The following AKAP12 variants were observed in gnomAD, a reference collection of about 807,000 sequenced individuals.
AKAP12 encodes the protein A-kinase anchoring protein 12, also known as A-kinase anchor protein 12.
AKAP12 carries 32 observed loss-of-function variants against 79.9 expected under a neutral mutation model. The ratio of observed to expected loss-of-function variants is 0.40; its 90% CI spans 0.30 to 0.54. The LOEUF is 0.54. AKAP12 is among the 20% of genes least tolerant of loss of function. The probability of loss-of-function intolerance (pLI) is 0.48; values close to 1 mark genes in which losing one functional copy is unlikely to be tolerated. For missense variants in AKAP12, 2,074 were observed against 2,177.0 expected, an observed-to-expected ratio of 0.95 and a Z score of 0.94; for synonymous variants, 808 against 857.0, an observed-to-expected ratio of 0.94 and a Z score of 1.00.
At chr6:151,345,963 G>T (rs1778092400) in intron 3 of AKAP12, among the ~76,000 whole-genome samples, 1 of 136,190 alleles carries the variant, frequency 7.3e-6, no homozygotes, top group Admixed American at 7.6e-5. Context: ...GAGAGAGAGA[G>T]AAAGGAGAGA....
At chr6:151,317,816 T>C (rs1279289773) in intron 3 of AKAP12, among the ~76,000 whole-genome samples, 2 of 152,194 alleles carry the variant, frequency 1.3e-5, no homozygotes, top group African/African-American at 4.8e-5. Context: ...GGTACTTCAC[T>C]CAACAAGATG....
chr6:151,252,827 G>A (rs1797211939), intron 2 of AKAP12, among the ~76,000 whole-genome samples: 1 of 151,944 alleles, frequency 6.6e-6, no homozygotes, highest in Non-Finnish European at 1.5e-5. Flanking sequence ...ATGCCACAGT[G>A]ACTGTTCTAT....
At chr6:151,308,664 T>C (rs1777026685) in intron 3 of AKAP12, among the ~76,000 whole-genome samples, 1 of 152,208 alleles carries the variant, frequency 6.6e-6, no homozygotes, top group Non-Finnish European at 1.5e-5. Context: ...GAGCTTTTGC[T>C]GTTTTAGGTC....
intron 2 of AKAP12, among the ~76,000 whole-genome samples, chr6:151,297,025 T>G (rs575105674): frequency 3.3e-5 from 5 of 151,696 alleles, no homozygotes; most frequent in African/African-American, 9.7e-5. Context: ...AAGGGTTTTT[T>G]TTTTTTTTTT....
rs768836695 is a variant in AKAP12 at position 151,352,269 on chromosome 6, C to A, written c.3878C>A (p.Thr1293Lys). 3 of 1,614,046 alleles carry A rather than the reference C, an allele frequency of 1.9e-6. No homozygotes were observed. Among genetic ancestry groups the A allele is most frequent in the Admixed American group, 1.7e-5 (1 of 59,998 alleles). ...GLEGSIDTGITVSREKVTEVA... is the reference protein window; with the variant it reads ...GLEGSIDTGIKVSREKVTEVA... ...GAGGGGTCTATAGACACAGGCATAA[C>A]AGTCAGTCGGGAAAAGGTCACTGAA... Residue 1293 changes from threonine to lysine, a missense_variant, in exon 4 of 5, where the codon ACA (threonine) becomes AAA (lysine). Thr to Lys is a moderately conservative substitution (Grantham distance 78). Coordinates refer to ENST00000402676, the MANE Select transcript of AKAP12 (RefSeq NM_005100.4).
chr6:151,310,351 C>T (rs887015667), intron 3 of AKAP12, among the ~76,000 whole-genome samples: 14 of 151,604 alleles, frequency 9.2e-5, no homozygotes, highest in African/African-American at 3.1e-4. Context: ...GCAACAAGAG[C>T]GAAACTCCAT....
At chr6:151,260,064 A>G (rs987327318) in intron 2 of AKAP12, among the ~76,000 whole-genome samples, 1 of 152,164 alleles carries the variant, frequency 6.6e-6, no homozygotes, top group African/African-American at 2.4e-5. Flanking sequence ...TAGAGAATCA[A>G]CTAATAAAGA....
At chr6:151,283,565 G>T (rs1015326123) in intron 2 of AKAP12, among the ~76,000 whole-genome samples, 1 of 152,152 alleles carries the variant, frequency 6.6e-6, no homozygotes, top group South Asian at 2.1e-4. Flanking sequence ...TGTCCTACGC[G>T]CTTGGTACAC....
chr6:151,303,328 G>A (rs1776901064), intron 2 of AKAP12, among the ~76,000 whole-genome samples: 1 of 152,070 alleles, frequency 6.6e-6, no homozygotes, highest in South Asian at 2.1e-4. Flanking sequence ...TTCATATTTT[G>A]GTAAGAGAAG....
intron 2 of AKAP12, among the ~76,000 whole-genome samples, chr6:151,264,990 A>G (rs1797522615): frequency 6.6e-6 from 1 of 151,988 alleles, no homozygotes; most frequent in South Asian, 2.1e-4. Context: ...TTCTTGACAA[A>G]AAGACAAAAA....
chr6:151,311,706 C>T (rs1034926705), intron 3 of AKAP12, among the ~76,000 whole-genome samples: 3 of 152,146 alleles, frequency 2.0e-5, no homozygotes, highest in African/African-American at 7.2e-5. Flanking sequence ...TTAATGTCAT[C>T]GTCTGCTTTT....
intron 3 of AKAP12, among the ~76,000 whole-genome samples, chr6:151,347,998 C>T (rs966526005): frequency 1.3e-5 from 2 of 148,850 alleles, no homozygotes; most frequent in African/African-American, 4.9e-5. Context: ...GGTGAAACCC[C>T]GTCTCTATAC....
Position 151,352,089 on chromosome 6 carries a change from C to A in AKAP12, c.3698C>A (p.Thr1233Asn). 1.2e-6 allele frequency: 2 copies of A among 1,614,012 alleles called. No individual in the cohort carries two copies. The highest frequency in any genetic ancestry group is 1.7e-6 in the Non-Finnish European group (2 of 1,180,028). The change falls in exon 4 of 5, where the codon ACT becomes AAT. Residue 1233 changes from threonine to asparagine, a missense_variant. This residue lies in a region of AKAP12 where 614 missense variants were observed against 665.6 expected (regional missense o/e 0.92). Coordinates refer to ENST00000402676, the MANE Select transcript of AKAP12 (RefSeq NM_005100.4). The part of the protein sequence containing the change: ...APSSFVFQEE[T>N]KEQSKMEDTL... ...TCCAGTTTTGTGTTCCAGGAAGAAACTAAAGAACAATCAAAGATGGAAGAC... is the reference window on the plus strand; with the variant it reads ...TCCAGTTTTGTGTTCCAGGAAGAAAATAAAGAACAATCAAAGATGGAAGAC...
At chr6:151,322,592 C>T (rs531614600) in intron 3 of AKAP12, among the ~76,000 whole-genome samples, 3 of 152,086 alleles carry the variant, frequency 2.0e-5, no homozygotes, top group Admixed American at 6.5e-5. Context: ...CCCTATGGAC[C>T]GCCTTCCTTT....
At chr6:151,308,663 C>T (rs1777026408) in intron 3 of AKAP12, among the ~76,000 whole-genome samples, 2 of 152,126 alleles carry the variant, frequency 1.3e-5, no homozygotes, top group Admixed American at 6.5e-5. Flanking sequence ...TGAGCTTTTG[C>T]TGTTTTAGGT....
At chr6:151,247,562 A>T (rs1797098705) in intron 2 of AKAP12, among the ~76,000 whole-genome samples, 2 of 152,164 alleles carry the variant, frequency 1.3e-5, no homozygotes, top group African/African-American at 2.4e-5. Flanking sequence ...CCATCTTTAA[A>T]TTTATTTGCT....
At chr6:151,320,435 T>TG (rs1777350208) in intron 3 of AKAP12, among the ~76,000 whole-genome samples, 1 of 152,054 alleles carries the variant, frequency 6.6e-6, no homozygotes, top group Admixed American at 6.6e-5. Flanking sequence ...CACTACTTTG[T>TG]GCTGTCACAC....
intron 2 of AKAP12, among the ~76,000 whole-genome samples, chr6:151,277,567 A>G (rs943690747): frequency 4.6e-5 from 7 of 152,216 alleles, no homozygotes; most frequent in African/African-American, 9.6e-5. Context: ...TAGATGTTTA[A>G]TAGATATTTA....
At chr6:151,303,629 G>T (rs1379267802) in intron 2 of AKAP12, among the ~76,000 whole-genome samples, 2 of 152,232 alleles carry the variant, frequency 1.3e-5, no homozygotes, top group Non-Finnish European at 2.9e-5. Flanking sequence ...CCTGGAAGCA[G>T]GATGGAATGA....
Sources: allele counts gnomAD v4.1 joint callset (sites outside exome capture counted in the v4.1 genomes callset), GRCh38; gene constraint gnomAD v4.1.1; regional missense constraint gnomAD v4.1.1; transcripts MANE v1.5; gene names NCBI Gene and HGNC (gene_info 2026-07-23, HGNC 2026-07-21).